Variants in CTNNA3 observed in about 807,000 individuals in gnomAD.
The protein encoded by CTNNA3 is catenin alpha-3.
In CTNNA3, 76 loss-of-function variants were observed where a neutral mutation model predicts 95.7. The ratio of observed to expected loss-of-function variants is 0.79; its 90% CI spans 0.66 to 0.96. CTNNA3 has a LOEUF of 0.96. Among genes scored for constraint, CTNNA3 ranks in the 40% least tolerant of loss-of-function variants. The pLI is 0.00. For synonymous variants in CTNNA3, 431 were observed against 374.4 expected, an observed-to-expected ratio of 1.15 and a Z score of -1.74; for missense variants, 1,191 against 1,089.8, an observed-to-expected ratio of 1.09 and a Z score of -1.31.
At chr10:66,870,474 A>G (rs1378462294) in intron 7 of CTNNA3, among the ~76,000 whole-genome samples, 1 of 152,206 alleles carries the variant, frequency 6.6e-6, no homozygotes, top group African/African-American at 2.4e-5. Flanking sequence ...GGCAAAATAT[A>G]TTGCAAACAT....
intron 9 of CTNNA3, among the ~76,000 whole-genome samples, chr10:66,687,906 T>C (rs1200338235): frequency 6.6e-6 from 1 of 152,146 alleles, no homozygotes; most frequent in African/African-American, 2.4e-5. Flanking sequence ...AGGTCAATTA[T>C]ACTATAGAGT....
chr10:67,259,599 G>C (rs1018471102), intron 5 of CTNNA3, among the ~76,000 whole-genome samples: 1 of 152,140 alleles, frequency 6.6e-6, no homozygotes, highest in Non-Finnish European at 1.5e-5. Flanking sequence ...GCATGTGAGA[G>C]CACTTACACT....
chr10:65,951,120 A>T (rs2077603361), intron 17 of CTNNA3, among the ~76,000 whole-genome samples: 1 of 152,152 alleles, frequency 6.6e-6, no homozygotes, highest in South Asian at 2.1e-4. Context: ...AGCTGATCTC[A>T]TTCTCACTGA....
chr10:66,565,675 C>G (rs1401210749), intron 10 of CTNNA3, among the ~76,000 whole-genome samples: 1 of 152,154 alleles, frequency 6.6e-6, no homozygotes, highest in African/African-American at 2.4e-5. Flanking sequence ...TTCTCCAGAT[C>G]TCTGTTTTAG....
intron 2 of CTNNA3, among the ~76,000 whole-genome samples, chr10:67,641,621 T>C (rs929929703): frequency 1.3e-5 from 2 of 152,124 alleles, no homozygotes; most frequent in African/African-American, 2.4e-5. Context: ...TGTCCAACAA[T>C]GATAGACTGG....
At chr10:67,560,552 A>G (rs1306921294) in intron 3 of CTNNA3, among the ~76,000 whole-genome samples, 2 of 152,210 alleles carry the variant, frequency 1.3e-5, no homozygotes, top group African/African-American at 4.8e-5. Flanking sequence ...TCTAAACACC[A>G]TCGAGGCTAG....
intron 5 of CTNNA3, among the ~76,000 whole-genome samples, chr10:67,308,989 T>A (rs1008713453): frequency 2.6e-5 from 4 of 152,228 alleles, no homozygotes; most frequent in African/African-American, 9.6e-5. Flanking sequence ...AATTCCAACA[T>A]CTTTGAAAGG....
intron 9 of CTNNA3, among the ~76,000 whole-genome samples, chr10:66,744,908 C>T (rs1849451488): frequency 1.3e-5 from 2 of 152,018 alleles, no homozygotes; most frequent in Admixed American, 6.6e-5. Context: ...GAAGTCAGCA[C>T]CCAAAAATGA....
chr10:66,807,783 A>C (rs1841713634), intron 7 of CTNNA3, among the ~76,000 whole-genome samples: 1 of 152,166 alleles, frequency 6.6e-6, no homozygotes, highest in South Asian at 2.1e-4. Context: ...CTTCCTCAGA[A>C]AGTTGAATTA....
intron 5 of CTNNA3, among the ~76,000 whole-genome samples, chr10:67,461,448 A>G (rs886320692): frequency 3.9e-5 from 6 of 152,150 alleles, no homozygotes; most frequent in Non-Finnish European, 7.4e-5. Context: ...AACCACAGTA[A>G]GATAAAGAAA....
At chr10:67,511,902 C>A (rs1183524218) in intron 5 of CTNNA3, among the ~76,000 whole-genome samples, 1 of 152,148 alleles carries the variant, frequency 6.6e-6, no homozygotes, top group Non-Finnish European at 1.5e-5. Context: ...AGAGATTCAA[C>A]TTCTTCCTGG....
At chr10:67,466,368 T>G (rs2133011500) in intron 5 of CTNNA3, among the ~76,000 whole-genome samples, 1 of 152,298 alleles carries the variant, frequency 6.6e-6, no homozygotes, top group East Asian at 1.9e-4. Flanking sequence ...GCTTTCTACA[T>G]GCAGTCAAAT....
intron 11 of CTNNA3, among the ~76,000 whole-genome samples, chr10:66,440,748 G>T (rs2135701): frequency 0.38 from 58,099 of 151,976 alleles, 11,670 homozygotes; most frequent in African/African-American, 0.5. Context: ...TCTACGACAT[G>T]AAATGAGTTA....
intron 11 of CTNNA3, among the ~76,000 whole-genome samples, chr10:66,424,324 T>C (rs1313188246): frequency 6.6e-6 from 1 of 152,040 alleles, no homozygotes; most frequent in African/African-American, 2.4e-5. Flanking sequence ...TATTTTTATT[T>C]TCTTCTACTT....
At chr10:66,124,508 G>A (rs2082726382) in intron 13 of CTNNA3, among the ~76,000 whole-genome samples, 1 of 152,144 alleles carries the variant, frequency 6.6e-6, no homozygotes, top group Admixed American at 6.5e-5. Context: ...CAGTTCCAAA[G>A]TCACTTCCAC....
intron 7 of CTNNA3, among the ~76,000 whole-genome samples, chr10:66,857,811 C>A (rs1183386840): frequency 2.0e-5 from 3 of 151,978 alleles, no homozygotes; most frequent in African/African-American, 7.2e-5. Context: ...TGGGAAGACA[C>A]TGTGGGATTT....
chr10:66,638,446 G>A (rs914416254), intron 9 of CTNNA3, among the ~76,000 whole-genome samples: 3 of 150,248 alleles, frequency 2.0e-5, no homozygotes, highest in Non-Finnish European at 3.0e-5. Flanking sequence ...CCCCTCCGCC[G>A]CCCCAACTCT....
chr10:67,536,671 T>C (rs914258752), intron 4 of CTNNA3, among the ~76,000 whole-genome samples: 27 of 152,106 alleles, frequency 1.8e-4, no homozygotes, highest in African/African-American at 6.3e-4. Context: ...TCAAAAACAT[T>C]TGGGAAATTC....
chr10:67,211,273 A>T (rs577430960), intron 6 of CTNNA3, among the ~76,000 whole-genome samples: 41 of 152,154 alleles, frequency 2.7e-4, no homozygotes, highest in African/African-American at 9.6e-4. Context: ...TTGGAGAAAA[A>T]AAAAAAAACA....
Sources: gnomAD v4.1 joint callset for allele counts (sites outside exome capture counted in the v4.1 genomes callset) on GRCh38, gnomAD v4.1.1 for gene constraint, MANE v1.5 for transcripts, NCBI Gene and HGNC (gene_info 2026-07-23, HGNC 2026-07-21) for gene names.